ST3GAL3: variants seen among roughly 807,000 people sequenced by gnomAD.
ST3GAL3 encodes ST3 beta-galactoside alpha-2,3-sialyltransferase 3.
A neutral mutation model predicts 50.1 loss-of-function variants in ST3GAL3; 21 were observed. That is an observed-to-expected ratio of 0.42 (90% CI 0.30 to 0.60). The LOEUF (loss-of-function observed/expected upper bound fraction) is 0.60. Ranked by LOEUF, ST3GAL3 falls within the 20% of genes least tolerant of loss-of-function variation. The pLI, the probability that ST3GAL3 is intolerant of heterozygous loss-of-function variation, is 0.19. For missense variants in ST3GAL3, 353 were observed against 489.4 expected, an observed-to-expected ratio of 0.72 and a Z score of 2.63; for synonymous variants, 183 against 190.0, an observed-to-expected ratio of 0.96 and a Z score of 0.30.
intron 5 of ST3GAL3, among the ~76,000 whole-genome samples, chr1:43,860,669 G>A (rs1440438966): frequency 6.6e-6 from 1 of 152,184 alleles, no homozygotes; most frequent in Admixed American, 6.5e-5. Flanking sequence ...GGATCCCAAG[G>A]GCCATCCTCC....
At chr1:43,853,960 G>T (rs1401998588) in intron 5 of ST3GAL3, among the ~76,000 whole-genome samples, 1 of 152,168 alleles carries the variant, frequency 6.6e-6, no homozygotes, top group Admixed American at 6.5e-5. Flanking sequence ...TCCTGGCCAG[G>T]ATAGCTGAGT....
chr1:43,742,345 A>G (rs1414790951), intron 2 of ST3GAL3, among the ~76,000 whole-genome samples: 1 of 152,154 alleles, frequency 6.6e-6, no homozygotes, highest in African/African-American at 2.4e-5. Context: ...CCCCAGCAAG[A>G]CAGATTTCAA....
At chr1:43,879,510 A>C (rs904793565) in intron 5 of ST3GAL3, 20 of 430,330 alleles carry the variant, frequency 4.6e-5, no homozygotes, top group Admixed American at 4.6e-4. Flanking sequence ...GGAGAGAGGT[A>C]AGTGGGTGAA....
chr1:43,784,546 A>G (rs890614651), intron 2 of ST3GAL3, among the ~76,000 whole-genome samples: 21 of 152,148 alleles, frequency 1.4e-4, no homozygotes, highest in African/African-American at 5.1e-4. Context: ...AAACTCCCAT[A>G]GCAACTTCTC....
intron 9 of ST3GAL3, among the ~76,000 whole-genome samples, chr1:43,906,089 C>T (rs554876471): frequency 2.4e-3 from 308 of 125,718 alleles, no homozygotes; most frequent in African/African-American, 9.4e-3. Context: ...CCCCCTCCTC[C>T]TGCTCCTCTT....
intron 1 of ST3GAL3, among the ~76,000 whole-genome samples, chr1:43,714,720 A>G: frequency 1.3e-5 from 2 of 152,176 alleles, no homozygotes; most frequent in East Asian, 1.9e-4. Context: ...TACTCATCAG[A>G]TGGGGTTGCT....
chr1:43,771,425 T>C (rs1311951387), intron 2 of ST3GAL3, among the ~76,000 whole-genome samples: 1 of 151,920 alleles, frequency 6.6e-6, no homozygotes, highest in African/African-American at 2.4e-5. Flanking sequence ...TGGCGTGATC[T>C]CGGCTCACCG....
At chr1:43,863,802 G>T (rs1388679167) in intron 5 of ST3GAL3, among the ~76,000 whole-genome samples, 1 of 152,130 alleles carries the variant, frequency 6.6e-6, no homozygotes, top group Non-Finnish European at 1.5e-5. Flanking sequence ...CAGCGACCAG[G>T]CCTCCAGAGA....
chr1:43,730,605 C>G (rs1178976569), intron 1 of ST3GAL3, among the ~76,000 whole-genome samples: 3 of 122,674 alleles, frequency 2.4e-5, no homozygotes, highest in Non-Finnish European at 4.8e-5. Context: ...GAGTCTTGCT[C>G]TGTTGCCCAG....
chr1:43,914,540 T>A (rs1283070908), intron 9 of ST3GAL3: 3 of 152,234 alleles, frequency 2.0e-5, no homozygotes, highest in African/African-American at 7.2e-5. Flanking sequence ...ACTTGCAGGC[T>A]GCTTGACCTT....
chr1:43,709,694 A>C (rs1570988006), intron 1 of ST3GAL3, among the ~76,000 whole-genome samples: 2 of 152,246 alleles, frequency 1.3e-5, no homozygotes, highest in East Asian at 3.9e-4. Context: ...AAAAATACAA[A>C]AAATTAGCCA....
chr1:43,713,574 G>GGACT (rs1458927780), intron 1 of ST3GAL3, among the ~76,000 whole-genome samples: 1 of 135,876 alleles, frequency 7.4e-6, no homozygotes, highest in Non-Finnish European at 1.5e-5. Context: ...CACCCAGGCT[G>GGACT]GAGTGCACTG....
At chr1:43,898,429 C>T in intron 7 of ST3GAL3, 131 bp downstream of exon 7, 2 of 936,554 alleles carry the variant, frequency 2.1e-6, no homozygotes, top group Non-Finnish European at 3.4e-6. Flanking sequence ...ACAGTACACA[C>T]ACAGGGTGGG....
intron 9 of ST3GAL3, among the ~76,000 whole-genome samples, chr1:43,904,269 T>C (rs1240741317): frequency 1.3e-5 from 2 of 152,082 alleles, no homozygotes; most frequent in Non-Finnish European, 2.9e-5. Flanking sequence ...GATTGAATGA[T>C]GTCCACCTGC....
intron 5 of ST3GAL3, among the ~76,000 whole-genome samples, chr1:43,875,947 CTTCTTATTATTATTATTA>C (rs1205783453): frequency 0.029 from 1,656 of 57,198 alleles, 13 homozygotes; most frequent in Non-Finnish European, 0.05. Context: ...TCTTCTTCTT[CTTCTTATTATTATTATTA>C]TTATTATTAT....
At chr1:43,922,005 C>G in intron 11 of ST3GAL3, 1 of 359,894 alleles carries the variant, frequency 2.8e-6, no homozygotes, top group Non-Finnish European at 5.0e-6. Flanking sequence ...TTCCAACATT[C>G]CTCTTATTTC....
At chr1:43,850,359 GC>G (rs1455678015) in intron 5 of ST3GAL3, 1 of 562,182 alleles carries the variant, frequency 1.8e-6, no homozygotes, top group Non-Finnish European at 3.3e-6. Context: ...CTCCTGGAGA[GC>G]CTGCACACAC....
intron 4 of ST3GAL3, among the ~76,000 whole-genome samples, chr1:43,817,507 CCTT>C (rs374617016): frequency 2.5e-4 from 36 of 146,388 alleles, no homozygotes; most frequent in African/African-American, 4.3e-4. Context: ...CCTCCTTTTT[CCTT>C]CTTCTTCATT....
At chr1:43,917,627 TATAATATATA>T (rs1557540061) in intron 9 of ST3GAL3, among the ~76,000 whole-genome samples, 2 of 66,880 alleles carry the variant, frequency 3.0e-5, no homozygotes, top group African/African-American at 1.3e-4. Context: ...TTATATTATA[TATAATATATA>T]ATATAATATA....
Sources: gnomAD v4.1 joint callset for allele counts (sites outside exome capture counted in the v4.1 genomes callset) on GRCh38, gnomAD v4.1.1 for gene constraint, MANE v1.5 for transcripts, NCBI Gene and HGNC (gene_info 2026-07-23, HGNC 2026-07-21) for gene names.